ATP13A5: variants seen among roughly 807,000 people sequenced by gnomAD.
The protein encoded by ATP13A5 is probable cation-transporting ATPase 13A5.
In ATP13A5, 149 loss-of-function variants were observed where a neutral mutation model predicts 150.2. The observed-to-expected ratio is 0.99, with a 90% CI of 0.87 to 1.14. The LOEUF is 1.14. ATP13A5 is among the 50% of genes most tolerant of loss of function. ATP13A5 has a pLI of 0.00. For synonymous variants in ATP13A5, 497 were observed against 522.2 expected, an observed-to-expected ratio of 0.95 and a Z score of 0.66; for missense variants, 1,383 against 1,449.3, an observed-to-expected ratio of 0.95 and a Z score of 0.74.
chr3:193,319,799 T>C (rs960171310), intron 16 of ATP13A5, among the ~76,000 whole-genome samples: 2 of 152,176 alleles, frequency 1.3e-5, no homozygotes, highest in Non-Finnish European at 2.9e-5. Context: ...ATGCACAGGC[T>C]AAATCTGGTC....
At position 193,311,926 on chromosome 3, in the gene ATP13A5, T is replaced by C. The variant is rs145000399; in HGVS notation, c.2335A>G (p.Thr779Ala). 1,352 of 1,613,822 alleles carry C rather than the reference T, an allele frequency of 8.4e-4. No individual in the cohort carries two copies. The highest frequency in any genetic ancestry group is 1.1e-3 in the Non-Finnish European group (1,239 of 1,179,802). ...GPGKKEIYMH[T>A]GNSSTPRGEG... ...CCACGAGGGGTTGAACTGTTTCCAGTATGCATGTAGATTTCCTAAAATCAA... is the reference window on the plus strand; with the variant it reads ...CCACGAGGGGTTGAACTGTTTCCAGCATGCATGTAGATTTCCTAAAATCAA... Residue 779 changes from threonine to alanine, a missense_variant, in exon 20 of 30, where the codon ACT (threonine) becomes GCT (alanine). By Grantham distance (58) the Thr-to-Ala change is moderately conservative. Around this residue, in one of 3 missense-constraint regions of ATP13A5, gnomAD observed 568 missense variants for 621.5 expected, o/e 0.91. Transcript: ENST00000342358.
At chr3:193,366,505 G>T (rs542293087) in intron 1 of ATP13A5, among the ~76,000 whole-genome samples, 8 of 151,942 alleles carry the variant, frequency 5.3e-5, no homozygotes, top group Non-Finnish European at 7.4e-5. Context: ...TACTATGAGA[G>T]CAAAGGAAGG....
intron 25 of ATP13A5, among the ~76,000 whole-genome samples, chr3:193,295,006 A>T (rs1228279123): frequency 2.0e-5 from 3 of 152,094 alleles, no homozygotes; most frequent in Non-Finnish European, 4.4e-5. Flanking sequence ...CTGAATATGC[A>T]TCACTTTCGC....
At chr3:193,339,754 C>T (rs1034890601) in intron 9 of ATP13A5, among the ~76,000 whole-genome samples, 9 of 152,134 alleles carry the variant, frequency 5.9e-5, no homozygotes, top group African/African-American at 2.2e-4. Flanking sequence ...GTTTTGAAAT[C>T]AGCCTTTGTA....
intron 25 of ATP13A5, among the ~76,000 whole-genome samples, chr3:193,291,201 C>A (rs1289469920): frequency 8.0e-6 from 1 of 124,302 alleles, no homozygotes; most frequent in East Asian, 2.3e-4. Flanking sequence ...AAGGCCCTTT[C>A]AACTCTTTTA....
At position 193,335,065 on chromosome 3, in the gene ATP13A5, G is replaced by A; in HGVS notation, c.978C>T (p.Pro326=). The A allele has an allele frequency of 6.2e-7, 1 of 1,613,834 alleles. No individual in the cohort carries two copies. The highest frequency in any genetic ancestry group is 8.5e-7 in the Non-Finnish European group (1 of 1,179,790). The change falls in exon 10 of 30, where the codon CCC becomes CCT. Residue 326 remains proline, a synonymous_variant. Transcript: ENST00000342358. Reference sequence around the variant, plus strand: ...TCCAAGGCATAGTGTTCTCCATCTGGGGCAATGGTGTCTTTGTAACAGGTA... The same window carrying A: ...TCCAAGGCATAGTGTTCTCCATCTGAGGCAATGGTGTCTTTGTAACAGGTA... ...ESIPVTKTPL[P]QMENTMPWKC...
At chr3:193,375,373 G>A (rs1293689599) in intron 1 of ATP13A5, among the ~76,000 whole-genome samples, 1 of 152,184 alleles carries the variant, frequency 6.6e-6, no homozygotes, top group African/African-American at 2.4e-5. Context: ...TATATAACCT[G>A]GAGGCTTCAG....
chr3:193,302,127 G>A (rs971748029), intron 23 of ATP13A5, among the ~76,000 whole-genome samples: 11 of 152,128 alleles, frequency 7.2e-5, no homozygotes, highest in African/African-American at 1.9e-4. Context: ...CATGGGACGT[G>A]ACCCACATCC....
intron 8 of ATP13A5, among the ~76,000 whole-genome samples, chr3:193,344,407 T>C (rs1408273799): frequency 1.3e-5 from 2 of 152,134 alleles, no homozygotes. Flanking sequence ...TTTGTCTTCT[T>C]GGATTGAGGC....
chr3:193,305,699 A>T (rs1266487298), intron 22 of ATP13A5, 31 bp from the exon 23 acceptor site: 1 of 1,595,954 alleles, frequency 6.3e-7, no homozygotes, highest in Non-Finnish European at 8.6e-7. Context: ...CTCACCCATG[A>T]CTTTTCAGGT....
chr3:193,378,452 C>T (rs148974016), intron 1 of ATP13A5, among the ~76,000 whole-genome samples: 5 of 152,324 alleles, frequency 3.3e-5, no homozygotes, highest in African/African-American at 1.2e-4. Context: ...AGAATTCTAT[C>T]ATCCAGAGGT....
chr3:193,374,787 G>T (rs999534864), intron 1 of ATP13A5, among the ~76,000 whole-genome samples: 3 of 152,140 alleles, frequency 2.0e-5, no homozygotes, highest in African/African-American at 7.2e-5. Flanking sequence ...GGGAGGTGGG[G>T]CGAATAAGAG....
chr3:193,284,458 G>A (rs559437591), intron 27 of ATP13A5, among the ~76,000 whole-genome samples: 1 of 152,230 alleles, frequency 6.6e-6, no homozygotes, highest in South Asian at 2.1e-4. Flanking sequence ...AATTGTGCTA[G>A]GCCCATTCCA....
At chr3:193,279,485 G>A in intron 27 of ATP13A5, 31 bp from the exon 28 acceptor site, 2 of 1,559,034 alleles carry the variant, frequency 1.3e-6, no homozygotes, top group Non-Finnish European at 1.8e-6. Flanking sequence ...ATTTTTAGAT[G>A]TTAAAAGAAT....
intron 25 of ATP13A5, among the ~76,000 whole-genome samples, chr3:193,292,031 A>T (rs4234626): frequency 3.3e-5 from 5 of 151,768 alleles, no homozygotes; most frequent in South Asian, 2.1e-4. Flanking sequence ...TGGTATCGAG[A>T]GCCCCACACC....
intron 27 of ATP13A5, among the ~76,000 whole-genome samples, chr3:193,280,383 T>A (rs1717432624): frequency 6.6e-6 from 1 of 152,100 alleles, no homozygotes; most frequent in East Asian, 1.9e-4. Context: ...AAAATACCAC[T>A]TCCTCTTCAA....
intron 10 of ATP13A5, 81 bp from the exon 11 acceptor site, chr3:193,333,988 GAA>G: frequency 1.1e-5 from 14 of 1,323,244 alleles, no homozygotes; most frequent in Non-Finnish European, 1.5e-5. Flanking sequence ...TGTCTTTGAG[GAA>G]AAGAGTAGAG....
At position 193,343,965 on chromosome 3, in the gene ATP13A5, A is replaced by G. The variant is rs763104155; in HGVS notation, c.905T>C (p.Ile302Thr). 1 of 1,613,440 alleles carries G rather than the reference A, an allele frequency of 6.2e-7. No individual in the cohort carries two copies. The highest frequency in any genetic ancestry group is 8.5e-7 in the Non-Finnish European group (1 of 1,179,572). Residue 302 changes from isoleucine to threonine, a missense_variant, in exon 9 of 30, where the codon ATT (isoleucine) becomes ACT (threonine). Transcript: ENST00000342358. The stretch of plus-strand genomic sequence containing the variant: ...TTCATTCACCACGCAGCTTCCATCA[A>G]TCAAAACAGCATCACATGGCAATGA... ...KFSLPCDAVL[I>T]DGSCVVNEGM...
At chr3:193,363,857 A>G (rs4362670) in intron 2 of ATP13A5, among the ~76,000 whole-genome samples, 84,384 of 151,914 alleles carry the variant, frequency 0.56, 23,787 homozygotes, top group African/African-American at 0.65. Flanking sequence ...CTCCCTGTTA[A>G]CCTGATGGGG....
Sources: allele counts gnomAD v4.1 joint callset (sites outside exome capture counted in the v4.1 genomes callset), GRCh38; gene constraint gnomAD v4.1.1; regional missense constraint gnomAD v4.1.1; transcripts MANE v1.5; gene names NCBI Gene and HGNC (gene_info 2026-07-23, HGNC 2026-07-21).